SSH2: variants seen among roughly 807,000 people sequenced by gnomAD.
The protein encoded by SSH2 is protein phosphatase Slingshot homolog 2.
A neutral mutation model predicts 135.2 loss-of-function variants in SSH2; 37 were observed. The observed-to-expected ratio is 0.27, with a 90% confidence interval of 0.21 to 0.36. The LOEUF (loss-of-function observed/expected upper bound fraction) is 0.36. Among genes scored for constraint, SSH2 ranks in the 10% least tolerant of loss-of-function variants. The pLI is 1.00. For synonymous variants in SSH2, 628 were observed against 646.2 expected (o/e 0.97, Z 0.43); for missense variants, 1,408 against 1,765.3 (o/e 0.80, Z 3.63).
intron 3 of SSH2, among the ~76,000 whole-genome samples, chr17:29,742,505 T>TTTC (rs57056214): frequency 6.8e-6 from 1 of 146,330 alleles, no homozygotes; most frequent in African/African-American, 2.5e-5. Flanking sequence ...TTTTTTCTTT[T>TTTC]CAATTTTTTG....
At chr17:29,762,057 T>A (rs966643107) in intron 3 of SSH2, among the ~76,000 whole-genome samples, 2 of 152,016 alleles carry the variant, frequency 1.3e-5, no homozygotes, top group Admixed American at 1.3e-4. Context: ...ATTTTTGTAT[T>A]TTTCGTAGAG....
chr17:29,788,874 A>T (rs1477009565), intron 3 of SSH2, among the ~76,000 whole-genome samples: 1 of 152,222 alleles, frequency 6.6e-6, no homozygotes, highest in Non-Finnish European at 1.5e-5. Context: ...CAGAAAGGAT[A>T]GAGGAGATCT....
rs1172487850 is a variant in SSH2, at chr17:29,627,422, C to T, written c.*3419G>A. 2 of 152,440 alleles carry T rather than the reference C, an allele frequency of 1.3e-5. No individual in the cohort carries two copies. Among genetic ancestry groups the T allele is most frequent in the Non-Finnish European group, 2.9e-5 (2 of 68,032 alleles). 9.4% of individuals were successfully genotyped at this position (152,440 alleles called of 1,614,324 possible). On this transcript the variant is annotated 3_prime_UTR_variant, in exon 16 of 16. Transcript: ENST00000540801. ...TTCTCATAGGAAGCTTTGAGTTTAC[C>T]CAACAGCATCTGTCTGGGGCCTGTG...
At chr17:29,775,536 G>C (rs1250655404) in intron 3 of SSH2, among the ~76,000 whole-genome samples, 1 of 152,134 alleles carries the variant, frequency 6.6e-6, no homozygotes, top group South Asian at 2.1e-4. Context: ...TTTAATCAGT[G>C]AGGAAACCAT....
intron 1 of SSH2, among the ~76,000 whole-genome samples, chr17:29,913,345 A>ATATAT (rs1463500620): frequency 5.3e-5 from 2 of 37,502 alleles, no homozygotes; most frequent in African/African-American, 1.5e-4. Flanking sequence ...AAAAAAAAAA[A>ATATAT]AAATATATAT....
intron 3 of SSH2, among the ~76,000 whole-genome samples, chr17:29,790,328 C>T (rs1038767095): frequency 6.6e-6 from 1 of 152,136 alleles, no homozygotes; most frequent in African/African-American, 2.4e-5. Flanking sequence ...TCTTTCTCCC[C>T]ACCAAGTAAG....
chr17:29,748,609 T>C lies in SSH2; in HGVS notation c.188+45285A>G, dbSNP rs1038087. Reference sequence around the variant, plus strand: ...ATTCAGTTATGCTTGCCCATTTCTGTAGAAGACAAGATCTAGATTTTAAGA... The same window carrying C: ...ATTCAGTTATGCTTGCCCATTTCTGCAGAAGACAAGATCTAGATTTTAAGA... On this transcript the variant is annotated intron_variant, in intron 3 of 15. Coordinates refer to ENST00000540801, the MANE Select transcript of SSH2 (RefSeq NM_001282129.2). Among the ~76,000 whole-genome samples, 528 of 152,288 alleles carry C rather than the reference T, an allele frequency of 3.5e-3. 4 individuals are homozygous for C. The highest frequency in any genetic ancestry group is 0.012 in the African/African-American group (509 of 41,568).
chr17:29,751,509 C>A (rs545778967), intron 3 of SSH2, among the ~76,000 whole-genome samples: 8 of 152,168 alleles, frequency 5.3e-5, no homozygotes, highest in Admixed American at 2.6e-4. Flanking sequence ...GCAACGCAGT[C>A]GCTTATTATC....
chr17:29,720,149 C>A (rs973644840), intron 3 of SSH2, among the ~76,000 whole-genome samples: 3 of 152,220 alleles, frequency 2.0e-5, no homozygotes, highest in African/African-American at 7.2e-5. Context: ...TTCTGTACAA[C>A]AAGGACACCA....
intron 3 of SSH2, chr17:29,777,599 G>A (rs775754844): frequency 1.3e-5 from 2 of 152,076 alleles, no homozygotes; most frequent in African/African-American, 4.8e-5. Flanking sequence ...AAATTGAAAT[G>A]TCATTACAAA....
chr17:29,819,941 TAAGGA>T (rs999595117), intron 2 of SSH2, among the ~76,000 whole-genome samples: 17 of 152,162 alleles, frequency 1.1e-4, no homozygotes, highest in African/African-American at 4.1e-4. Flanking sequence ...TGGCCTGTAA[TAAGGA>T]AAGGTTTAAA....
chr17:29,709,015 T>TATATATAG (rs780981175), intron 3 of SSH2, among the ~76,000 whole-genome samples: 1,463 of 81,554 alleles, frequency 0.018, 26 homozygotes, highest in Non-Finnish European at 0.026. Context: ...TATATATATA[T>TATATATAG]AGAGAGAGAG....
In SSH2 at chr17:29,929,932, A is replaced by G; in HGVS notation, c.63+6T>C. 1 of 1,595,424 alleles carries G rather than the reference A, an allele frequency of 6.3e-7. No individual in the cohort carries two copies. The highest frequency in any genetic ancestry group is 8.5e-7 in the Non-Finnish European group (1 of 1,172,036). On this transcript the variant is annotated splice_donor_region_variant and intron_variant, in intron 1 of 15. Coordinates refer to ENST00000540801, the MANE Select transcript of SSH2 (RefSeq NM_001282129.2). ...GCAAGCGGAGCGGCCGCCAGGAAGGACTCACCGAGGCGCAGGGGCTGGAGG... is the reference window on the plus strand; with the variant it reads ...GCAAGCGGAGCGGCCGCCAGGAAGGGCTCACCGAGGCGCAGGGGCTGGAGG...
chr17:29,871,751 C>T (rs1468493726), intron 1 of SSH2, among the ~76,000 whole-genome samples: 2 of 152,080 alleles, frequency 1.3e-5, no homozygotes, highest in Non-Finnish European at 2.9e-5. Flanking sequence ...GGAACTCTCA[C>T]ATACTAATGG....
In SSH2 at chr17:29,646,960, T is replaced by C. The variant is rs546222262; in HGVS notation, c.1427+1184A>G. ...GTAAAGAAATACCCAAATTAGCAGA[T>C]GGTACTTATTTTTTTTTTTAAAGAG... On this transcript the variant is annotated intron_variant, in intron 14 of 15. Transcript: ENST00000540801. Among the ~76,000 whole-genome samples the C allele has an allele frequency of 2.6e-5, 4 of 151,946 alleles. No homozygotes were observed. The East Asian group carries it at 7.8e-4, about 29-fold the overall frequency.
chr17:29,718,732 CAAAAAAAAAAAAA>C (rs752148237), intron 3 of SSH2, among the ~76,000 whole-genome samples: 1 of 77,322 alleles, frequency 1.3e-5, no homozygotes, highest in Non-Finnish European at 2.4e-5. Context: ...GATTTCACCT[CAAAAAAAAAAAAA>C]AAAAAAAAAA....
intron 1 of SSH2, among the ~76,000 whole-genome samples, chr17:29,907,952 C>A (rs767259866): frequency 6.6e-6 from 1 of 151,588 alleles, no homozygotes; most frequent in Non-Finnish European, 1.5e-5. Context: ...TCATGAGTAG[C>A]TGGGACTACG....
chr17:29,745,263 G>A (rs1032410577), intron 3 of SSH2, among the ~76,000 whole-genome samples: 3 of 151,800 alleles, frequency 2.0e-5, no homozygotes, highest in East Asian at 3.9e-4. Context: ...GGGTTCAAGC[G>A]ATTCTCATGC....
At chr17:29,764,895 C>T (rs1458652392) in intron 3 of SSH2, among the ~76,000 whole-genome samples, 1 of 152,192 alleles carries the variant, frequency 6.6e-6, no homozygotes, top group Admixed American at 6.5e-5. Context: ...TACATGCTGA[C>T]CTAACTGTAT....
Sources: allele counts gnomAD v4.1 joint callset (sites outside exome capture counted in the v4.1 genomes callset), GRCh38; gene constraint gnomAD v4.1.1; transcripts MANE v1.5; gene names NCBI Gene and HGNC (gene_info 2026-07-23, HGNC 2026-07-21).